The following DLGAP1 variants were observed in gnomAD, a reference collection of about 807,000 sequenced individuals.
The protein encoded by DLGAP1 is DLG associated protein 1.
A neutral mutation model predicts 90.8 loss-of-function variants in DLGAP1; 11 were observed. That is an observed-to-expected ratio of 0.12 (90% confidence interval 0.08 to 0.20). The LOEUF is 0.20. DLGAP1 is among the 10% of genes least tolerant of loss of function. The probability of loss-of-function intolerance (pLI) is 1.00; values close to 1 mark genes in which losing one functional copy is unlikely to be tolerated. For synonymous variants in DLGAP1, 558 were observed against 540.7 expected, an observed-to-expected ratio of 1.03 and a Z score of -0.44; for missense variants, 1,050 against 1,333.8, an observed-to-expected ratio of 0.79 and a Z score of 3.31.
chr18:4,258,695 A>G (rs1461535218), intron 1 of DLGAP1, among the ~76,000 whole-genome samples: 1 of 152,158 alleles, frequency 6.6e-6, no homozygotes, highest in Non-Finnish European at 1.5e-5. Flanking sequence ...TTTCATTTCA[A>G]TAGTTTCTTA....
intron 1 of DLGAP1, among the ~76,000 whole-genome samples, chr18:4,173,752 A>G (rs2077060779): frequency 6.6e-6 from 1 of 152,224 alleles, no homozygotes; most frequent in African/African-American, 2.4e-5. Context: ...GGTGAAAAAT[A>G]AGACAGTGAA....
chr18:3,783,925 T>C (rs531608313), intron 5 of DLGAP1, among the ~76,000 whole-genome samples: 13 of 152,302 alleles, frequency 8.5e-5, no homozygotes, highest in African/African-American at 2.9e-4. Flanking sequence ...TCCTCATAAG[T>C]GAAACCGATG....
intron 4 of DLGAP1, among the ~76,000 whole-genome samples, chr18:3,836,818 T>C (rs2068414568): frequency 6.6e-6 from 1 of 152,254 alleles, no homozygotes; most frequent in Non-Finnish European, 1.5e-5. Context: ...TCTTAGATTC[T>C]GCCAATGCTT....
chr18:3,519,995 T>C (rs971900873), intron 10 of DLGAP1, among the ~76,000 whole-genome samples: 2 of 152,138 alleles, frequency 1.3e-5, no homozygotes, highest in African/African-American at 4.8e-5. Flanking sequence ...TGTTCACCTA[T>C]GTAACAAACC....
chr18:3,643,662 C>CAAAAAAAAAAAAAAAAAAAAAAAAAAA (rs538678987), intron 7 of DLGAP1, among the ~76,000 whole-genome samples: 1 of 65,030 alleles, frequency 1.5e-5, no homozygotes, highest in Non-Finnish European at 3.0e-5. Context: ...GACTCCATCT[C>CAAAAAAAAAAAAAAAAAAAAAAAAAAA]AAAAAAAAAA....
chr18:4,322,943 G>C (rs1485364131), intron 1 of DLGAP1, among the ~76,000 whole-genome samples: 1 of 97,602 alleles, frequency 1.0e-5, no homozygotes, highest in Non-Finnish European at 1.9e-5. Flanking sequence ...CCTGGGCACA[G>C]AAAAAAAAAA....
At chr18:4,401,204 T>C (rs2082547356) in intron 1 of DLGAP1, among the ~76,000 whole-genome samples, 1 of 152,214 alleles carries the variant, frequency 6.6e-6, no homozygotes, top group Admixed American at 6.5e-5. Flanking sequence ...ATTCCTATTA[T>C]AGCTCACAAC....
intron 1 of DLGAP1, among the ~76,000 whole-genome samples, chr18:4,200,096 A>G (rs554556851): frequency 6.6e-6 from 1 of 152,250 alleles, no homozygotes; most frequent in South Asian, 2.1e-4. Flanking sequence ...CTACAATTGG[A>G]TTCCAAGTAT....
chr18:3,550,199 A>C (rs563165619), intron 9 of DLGAP1, among the ~76,000 whole-genome samples: 1 of 152,228 alleles, frequency 6.6e-6, no homozygotes, highest in South Asian at 2.1e-4. Context: ...GGCGTGAGCC[A>C]CCACGCCCGG....
intron 2 of DLGAP1, among the ~76,000 whole-genome samples, chr18:4,057,055 ACACAC>A: frequency 8.0e-6 from 1 of 125,342 alleles, no homozygotes; most frequent in Non-Finnish European, 1.7e-5. Flanking sequence ...ACACACACAC[ACACAC>A]ATTACAGCAG....
intron 1 of DLGAP1, among the ~76,000 whole-genome samples, chr18:4,191,413 T>C (rs2077397536): frequency 1.3e-5 from 2 of 152,180 alleles, no homozygotes; most frequent in Admixed American, 1.3e-4. Context: ...CAGTCCTCTA[T>C]AGTACTTCCA....
intron 4 of DLGAP1, among the ~76,000 whole-genome samples, chr18:3,828,160 C>T (rs890251383): frequency 6.6e-6 from 1 of 152,160 alleles, no homozygotes; most frequent in African/African-American, 2.4e-5. Flanking sequence ...AAAGAGGTCC[C>T]TGTGTAGCCA....
rs563090044 is a variant in DLGAP1 at position 3,645,099 on chromosome 18, T to G, written c.1592-62851A>C. On this transcript the variant is annotated intron_variant, in intron 7 of 12. Coordinates refer to ENST00000315677, the MANE Select transcript of DLGAP1 (RefSeq NM_004746.4). ...TGCATTTTTCCCTCGTATTTTAATT[T>G]TTTTGTTTTTCTTTTTTGAGACAGG... is the stretch of plus-strand genomic sequence containing the variant. 2.4e-4 allele frequency among the ~76,000 whole-genome samples: 37 copies of G among 152,228 alleles called. No individual in the cohort carries two copies. In the South Asian group the frequency reaches 7.5e-3, roughly 31 times the overall value.
Position 4,342,005 on chromosome 18 carries a change from AAT to A in DLGAP1, c.-267+112999_-267+113000del, listed in dbSNP as rs1345463975. Among the ~76,000 whole-genome samples the A allele has an allele frequency of 7.2e-5, 11 of 152,184 alleles. No individual in the cohort carries two copies. The East Asian group carries it at 2.1e-3, about 29-fold the overall frequency. On this transcript the variant is annotated intron_variant, in intron 1 of 12. Coordinates refer to ENST00000315677, the MANE Select transcript of DLGAP1 (RefSeq NM_004746.4). The surrounding 1 kb of genome is among the most constrained non-coding windows in gnomAD (Gnocchi z 5.8). ...GAATCTCATTTTATCCACAAGTAAA[AAT>A]AAATAGCTGAACCTGCCACACAAGA... is the stretch of plus-strand genomic sequence containing the variant.
At chr18:4,190,759 T>G (rs1017260260) in intron 1 of DLGAP1, among the ~76,000 whole-genome samples, 6 of 152,146 alleles carry the variant, frequency 3.9e-5, no homozygotes, top group African/African-American at 1.4e-4. Context: ...TGAGTTCTTG[T>G]GTCTAGGTTT....
At chr18:3,556,377 A>T (rs1416117803) in intron 9 of DLGAP1, among the ~76,000 whole-genome samples, 1 of 152,154 alleles carries the variant, frequency 6.6e-6, no homozygotes, top group Non-Finnish European at 1.5e-5. Context: ...TGCATTATAC[A>T]TTCAGAATCG....
intron 7 of DLGAP1, among the ~76,000 whole-genome samples, chr18:3,650,822 A>G (rs2059270914): frequency 6.6e-6 from 1 of 152,200 alleles, no homozygotes; most frequent in South Asian, 2.1e-4. Context: ...TAATCCCAGC[A>G]CTTTGGGAGG....
intron 1 of DLGAP1, among the ~76,000 whole-genome samples, chr18:4,168,941 A>C (rs1029570638): frequency 6.6e-6 from 1 of 152,186 alleles, no homozygotes; most frequent in African/African-American, 2.4e-5. Context: ...TTGTTTATCC[A>C]TTCATCCTCT....
At chr18:3,874,257 A>T (rs2070927146) in intron 4 of DLGAP1, 1 of 1,549,634 alleles carries the variant, frequency 6.5e-7, no homozygotes, top group Non-Finnish European at 8.7e-7. Flanking sequence ...CATCTCTGGG[A>T]GTGCTTTCCT....
Sources: allele counts gnomAD v4.1 joint callset (sites outside exome capture counted in the v4.1 genomes callset), GRCh38; gene constraint gnomAD v4.1.1; non-coding constraint Gnocchi (gnomAD v3.1); transcripts MANE v1.5; gene names NCBI Gene and HGNC (gene_info 2026-07-23, HGNC 2026-07-21).